Variants in PSTPIP2 observed in about 807,000 individuals in gnomAD.
PSTPIP2 encodes the protein proline-serine-threonine phosphatase interacting protein 2.
In PSTPIP2, 33 loss-of-function variants were observed where a neutral mutation model predicts 63.3. The ratio of observed to expected loss-of-function variants is 0.52; its 90% CI spans 0.40 to 0.70. PSTPIP2 has a LOEUF of 0.70. Ranked by LOEUF, PSTPIP2 falls within the 30% of genes least tolerant of loss-of-function variation. The pLI, the probability that PSTPIP2 is intolerant of heterozygous loss-of-function variation, is 0.00. For synonymous variants in PSTPIP2, 125 were observed against 132.7 expected (o/e 0.94, Z 0.40); for missense variants, 312 against 400.7 (o/e 0.78, Z 1.89).
intron 1 of PSTPIP2, among the ~76,000 whole-genome samples, chr18:46,043,061 AG>A (rs1306474035): frequency 6.6e-6 from 1 of 152,088 alleles, no homozygotes; most frequent in African/African-American, 2.4e-5. Flanking sequence ...CCACCCGTGC[AG>A]TCCCACTCAA....
intron 5 of PSTPIP2, among the ~76,000 whole-genome samples, chr18:46,006,096 C>T (rs1253231430): frequency 3.9e-5 from 6 of 152,124 alleles, no homozygotes; most frequent in Non-Finnish European, 4.4e-5. Flanking sequence ...CTCTGTCACC[C>T]AGGCTGGAGT....
At chr18:45,992,012 G>A (rs2051540045) in intron 11 of PSTPIP2, 29 bp from the exon 12 acceptor site, 7 of 1,598,298 alleles carry the variant, frequency 4.4e-6, no homozygotes, top group Non-Finnish European at 6.0e-6. Flanking sequence ...AACAGGACAT[G>A]AAGAGGCAGG....
intron 1 of PSTPIP2, among the ~76,000 whole-genome samples, chr18:46,060,728 C>G (rs2144131599): frequency 6.6e-6 from 1 of 152,330 alleles, no homozygotes; most frequent in African/African-American, 2.4e-5. Flanking sequence ...CTTCCAGCTT[C>G]CCCATGTGAG....
At chr18:46,013,269 T>C (rs1303985085) in intron 4 of PSTPIP2, among the ~76,000 whole-genome samples, 1 of 152,180 alleles carries the variant, frequency 6.6e-6, no homozygotes, top group Non-Finnish European at 1.5e-5. Flanking sequence ...ATGTATTCAT[T>C]GATGAGTTAC....
intron 2 of PSTPIP2, among the ~76,000 whole-genome samples, chr18:46,038,809 C>A (rs1908078484): frequency 6.6e-6 from 1 of 152,190 alleles, no homozygotes; most frequent in Non-Finnish European, 1.5e-5. Context: ...GCCTCACCAC[C>A]CAAGGGCTGG....
At chr18:46,036,710 T>C (rs1290244237) in intron 2 of PSTPIP2, among the ~76,000 whole-genome samples, 2 of 152,180 alleles carry the variant, frequency 1.3e-5, no homozygotes, top group Non-Finnish European at 2.9e-5. Context: ...AAAGGATATT[T>C]CCTAGTTTCG....
chr18:45,986,672 C>A (rs576065500), intron 14 of PSTPIP2, among the ~76,000 whole-genome samples: 57 of 152,266 alleles, frequency 3.7e-4, no homozygotes, highest in African/African-American at 1.2e-3. Flanking sequence ...ATTGTAAAGA[C>A]TAGCATCTAT....
intron 5 of PSTPIP2, chr18:46,010,863 A>G (rs1041742542): frequency 5.1e-5 from 12 of 235,880 alleles, no homozygotes; most frequent in African/African-American, 2.7e-4. Context: ...GGAGCCGTCC[A>G]GCTGGGATGT....
At chr18:46,004,840 C>A (rs967765327) in intron 6 of PSTPIP2, among the ~76,000 whole-genome samples, 2 of 152,094 alleles carry the variant, frequency 1.3e-5, no homozygotes, top group Admixed American at 1.3e-4. Context: ...ACCATTTGAC[C>A]CAGCAATCCC....
intron 2 of PSTPIP2, among the ~76,000 whole-genome samples, chr18:46,034,877 A>G (rs1275992640): frequency 6.6e-6 from 1 of 152,218 alleles, no homozygotes; most frequent in East Asian, 1.9e-4. Flanking sequence ...GTAAGCCTTC[A>G]ATAAACAGCA....
In PSTPIP2 at chr18:46,011,296, A is replaced by C; in HGVS notation, c.248-9T>G. ...TGCCACATTGTCTACTTCTGCAAAA[A>C]AGAATTAAAAAAAAAATCAAGGTCT... On this transcript the variant is annotated splice_polypyrimidine_tract_variant and intron_variant, in intron 4 of 14. Coordinates refer to ENST00000409746, the MANE Select transcript of PSTPIP2 (RefSeq NM_024430.4). The C allele has an allele frequency of 1.9e-6, 3 of 1,600,068 alleles. No homozygotes were observed. Among genetic ancestry groups the C allele is most frequent in the Non-Finnish European group, 2.6e-6 (3 of 1,169,352 alleles).
chr18:46,059,512 G>T (rs942758555), intron 1 of PSTPIP2, among the ~76,000 whole-genome samples: 6 of 151,950 alleles, frequency 3.9e-5, no homozygotes, highest in Admixed American at 3.3e-4. Context: ...GCTTCCCAAA[G>T]TGCTGGGATT....
intron 2 of PSTPIP2, chr18:46,028,364 C>T (rs966724052): frequency 4.1e-6 from 2 of 491,780 alleles, no homozygotes; most frequent in Non-Finnish European, 8.0e-6. Flanking sequence ...GCTGCCGCTT[C>T]ATCCCAGCGA....
At chr18:46,021,614 C>T (rs1425960808) in intron 3 of PSTPIP2, among the ~76,000 whole-genome samples, 1 of 151,528 alleles carries the variant, frequency 6.6e-6, no homozygotes, top group Non-Finnish European at 1.5e-5. Flanking sequence ...CCAGGGCCTA[C>T]ATACGATGAT....
At chr18:46,024,833 T>C in intron 2 of PSTPIP2, 147 bp from the exon 3 acceptor site, 1 of 645,314 alleles carries the variant, frequency 1.5e-6, no homozygotes, top group Non-Finnish European at 2.7e-6. Flanking sequence ...AGACTCCCTC[T>C]GTATGATAGG....
At chr18:46,003,200 A>T (rs77459934) in intron 6 of PSTPIP2, among the ~76,000 whole-genome samples, 4,634 of 152,258 alleles carry the variant, frequency 0.03, 91 homozygotes, top group Non-Finnish European at 0.038. Context: ...AGACCTCCTT[A>T]GACACCATCC....
At chr18:46,049,008 A>G (rs8084486) in intron 1 of PSTPIP2, among the ~76,000 whole-genome samples, 43 of 136,372 alleles carry the variant, frequency 3.2e-4, no homozygotes, top group South Asian at 1.6e-3. Context: ...GAAAAAAAGC[A>G]TGTGTGTGTG....
intron 4 of PSTPIP2, among the ~76,000 whole-genome samples, chr18:46,013,095 A>G (rs894075939): frequency 3.3e-5 from 5 of 151,248 alleles, no homozygotes; most frequent in African/African-American, 1.2e-4. Context: ...TATTATTTTA[A>G]TAAGAAAATA....
At chr18:45,995,050 G>A (rs1225586055) in intron 9 of PSTPIP2, among the ~76,000 whole-genome samples, 5 of 149,080 alleles carry the variant, frequency 3.4e-5, no homozygotes, top group Non-Finnish European at 5.9e-5. Flanking sequence ...CCTATGCAGG[G>A]TTTGTTTTGT....
Sources: gnomAD v4.1 joint callset for allele counts (sites outside exome capture counted in the v4.1 genomes callset) on GRCh38, gnomAD v4.1.1 for gene constraint, MANE v1.5 for transcripts, NCBI Gene and HGNC (gene_info 2026-07-23, HGNC 2026-07-21) for gene names.